ANO3: variants seen among roughly 807,000 people sequenced by gnomAD.
ANO3 encodes anoctamin-3.
Under a neutral mutation model 144.8 loss-of-function variants are expected in ANO3, and 99 were observed. The observed-to-expected ratio is 0.68, with a 90% CI of 0.58 to 0.81. The LOEUF (loss-of-function observed/expected upper bound fraction) is 0.81, where lower values mean the gene tolerates loss of function less well. ANO3 is among the 30% of genes least tolerant of loss of function. The pLI is 0.00. For missense variants in ANO3, 905 were observed against 1,202.2 expected, an observed-to-expected ratio of 0.75 and a Z score of 3.66; for synonymous variants, 414 against 392.6, an observed-to-expected ratio of 1.05 and a Z score of -0.64.
intron 10 of ANO3, among the ~76,000 whole-genome samples, chr11:26,538,152 A>G (rs1849557539): frequency 3.9e-5 from 6 of 152,180 alleles, no homozygotes; most frequent in Admixed American, 3.9e-4. Flanking sequence ...GATAAAATGT[A>G]TTGAGTACTT....
intron 1 of ANO3, among the ~76,000 whole-genome samples, chr11:26,336,435 T>G (rs1855194701): frequency 6.6e-6 from 1 of 152,206 alleles, no homozygotes; most frequent in African/African-American, 2.4e-5. Flanking sequence ...AAATAAGCAT[T>G]TACTACTCAC....
intron 14 of ANO3, among the ~76,000 whole-genome samples, chr11:26,594,909 C>T (rs550075991): frequency 6.6e-6 from 1 of 152,210 alleles, no homozygotes; most frequent in African/African-American, 2.4e-5. Context: ...GTTTCTCCCC[C>T]TTGAAGAGTA....
At chr11:26,355,011 C>CTT (rs5790571) in intron 1 of ANO3, among the ~76,000 whole-genome samples, 87,359 of 148,328 alleles carry the variant, frequency 0.59, 27,235 homozygotes, top group Non-Finnish European at 0.7. Context: ...AATTGTAACT[C>CTT]TTTTTTTTTT....
At chr11:26,599,420 A>G in intron 16 of ANO3, 130 bp from the exon 17 acceptor site, 7 of 947,182 alleles carry the variant, frequency 7.4e-6, no homozygotes, top group Non-Finnish European at 1.1e-5. Context: ...AGAAAATTAA[A>G]TCTAGATATC....
At chr11:26,537,568 T>C in intron 10 of ANO3, 107 bp downstream of exon 10, 2 of 960,026 alleles carry the variant, frequency 2.1e-6, no homozygotes, top group East Asian at 4.8e-5. Flanking sequence ...GAGGATTCAG[T>C]CTGCAAGTAG....
chr11:26,505,051 G>T, intron 4 of ANO3, among the ~76,000 whole-genome samples: 1 of 146,592 alleles, frequency 6.8e-6, no homozygotes, highest in Admixed American at 6.8e-5. Context: ...AAGAGAAAAG[G>T]TAGAAGCAAA....
intron 14 of ANO3, among the ~76,000 whole-genome samples, chr11:26,595,633 C>G (rs897312090): frequency 3.3e-5 from 5 of 151,884 alleles, no homozygotes; most frequent in Non-Finnish European, 7.4e-5. Context: ...TCTCAATCAC[C>G]CGGGAGGAAC....
At chr11:26,619,756 T>C (rs1215601892) in intron 17 of ANO3, among the ~76,000 whole-genome samples, 1 of 152,166 alleles carries the variant, frequency 6.6e-6, no homozygotes, top group Admixed American at 6.5e-5. Context: ...CGTGAGCCAC[T>C]GCGCCCGGCC....
In ANO3 at chr11:26,219,404, T is replaced by TC. The variant is rs575015880; in HGVS notation, c.154+30074_154+30075insC. ...ACTATTCTGTTTTGTACTTGGTGTT[T>TC]GTTTTATTGAAGAAGAACTCTTTAG... On this transcript the variant is annotated intron_variant, in intron 1 of 27. Coordinates refer to the ANO3 transcript ENST00000672621. Among the ~76,000 whole-genome samples, 122 of 152,318 alleles carry TC rather than the reference T, an allele frequency of 8.0e-4. 1 individual carries two copies. Among genetic ancestry groups the TC allele is most frequent in the African/African-American group, 2.2e-3 (92 of 41,580 alleles).
chr11:26,620,556 T>G (rs1225719099), intron 17 of ANO3, among the ~76,000 whole-genome samples: 4 of 152,150 alleles, frequency 2.6e-5, no homozygotes. Flanking sequence ...TGAACTCCTT[T>G]TGGGTTTCCT....
At chr11:26,327,043 TAC>T (rs1473061845) in intron 1 of ANO3, among the ~76,000 whole-genome samples, 2 of 152,228 alleles carry the variant, frequency 1.3e-5, no homozygotes. Flanking sequence ...TATGCAAATC[TAC>T]AGACTTGTAC....
At chr11:26,629,823 G>A (rs574851290) in intron 18 of ANO3, among the ~76,000 whole-genome samples, 2 of 151,970 alleles carry the variant, frequency 1.3e-5, no homozygotes, top group African/African-American at 4.8e-5. Context: ...TAGAGACAGG[G>A]TTTCTCCATG....
At chr11:26,462,172 A>G (rs996282970) in intron 3 of ANO3, among the ~76,000 whole-genome samples, 2 of 152,014 alleles carry the variant, frequency 1.3e-5, no homozygotes, top group African/African-American at 4.8e-5. Flanking sequence ...TCTTGAAAGC[A>G]CTAGAGTTTT....
chr11:26,443,645 T>G, intron 2 of ANO3, 120 bp from the exon 3 acceptor site: 1 of 513,716 alleles, frequency 1.9e-6, no homozygotes, highest in Non-Finnish European at 3.4e-6. Context: ...CTAATTTTAA[T>G]TCATTAAGTT....
chr11:26,221,382 G>A (rs1250320430), intron 1 of ANO3, among the ~76,000 whole-genome samples: 1 of 152,186 alleles, frequency 6.6e-6, no homozygotes, highest in Non-Finnish European at 1.5e-5. Context: ...ACTATAGCCT[G>A]TGACAGAATG....
At chr11:26,257,010 T>C (rs1019305367) in intron 1 of ANO3, among the ~76,000 whole-genome samples, 2 of 152,018 alleles carry the variant, frequency 1.3e-5, no homozygotes, top group Non-Finnish European at 2.9e-5. Flanking sequence ...CATCCCAAAA[T>C]GTGAACAATG....
At chr11:26,390,840 C>T (rs1264222958) in intron 1 of ANO3, among the ~76,000 whole-genome samples, 2 of 152,050 alleles carry the variant, frequency 1.3e-5, no homozygotes, top group African/African-American at 4.8e-5. Context: ...AAATTCTTTG[C>T]AAGTGACTAG....
chr11:26,379,129 G>A (rs191395080), intron 1 of ANO3, among the ~76,000 whole-genome samples: 1 of 152,228 alleles, frequency 6.6e-6, no homozygotes, highest in East Asian at 1.9e-4. Flanking sequence ...AGCCACCCTG[G>A]AAAGACATGG....
rs114547379 is a variant in ANO3 at position 26,268,581 on chromosome 11, C to A, written c.155-41064C>A. Among the ~76,000 whole-genome samples, 1,499 of 152,076 alleles carry A rather than the reference C, an allele frequency of 9.9e-3. 22 individuals are homozygous for A. The highest frequency in any genetic ancestry group is 0.035 in the African/African-American group (1,440 of 41,486). ...GTAAGCCAAAGGTGTCAGCTTTGCA[C>A]GTGTGTATAATACTTACTTATTGGC... On this transcript the variant is annotated intron_variant, in intron 1 of 27. Coordinates refer to the ANO3 transcript ENST00000672621.
Sources: gnomAD v4.1 joint callset for allele counts (sites outside exome capture counted in the v4.1 genomes callset) on GRCh38, gnomAD v4.1.1 for gene constraint, MANE v1.5 for transcripts, NCBI Gene and HGNC (gene_info 2026-07-23, HGNC 2026-07-21) for gene names.